CCDC57: variants seen among roughly 807,000 people sequenced by gnomAD.
The protein encoded by CCDC57 is coiled-coil domain containing 57, also known as coiled-coil domain-containing protein 57.
Under a neutral mutation model 118.9 loss-of-function variants are expected in CCDC57, and 118 were observed. The observed-to-expected ratio is 0.99, with a 90% CI of 0.86 to 1.16. The LOEUF is 1.16. Ranked by LOEUF, CCDC57 falls within the 50% of genes most tolerant of loss-of-function variation. The probability of loss-of-function intolerance (pLI) is 0.00; values close to 1 mark genes in which losing one functional copy is unlikely to be tolerated. For synonymous variants in CCDC57, 527 were observed against 532.9 expected (o/e 0.99, Z 0.15); for missense variants, 1,300 against 1,320.7 (o/e 0.98, Z 0.24).
chr17:82,104,214 G>C (rs941330936), intron 19 of CCDC57, among the ~76,000 whole-genome samples: 2 of 152,222 alleles, frequency 1.3e-5, no homozygotes. Flanking sequence ...GAGCCTGGCC[G>C]GGATTTCTCT....
rs1568252390 is a variant in CCDC57 at position 82,146,891 on chromosome 17, GTGCA to G, written c.2455+4665_2455+4668del. 6.6e-5 allele frequency among the ~76,000 whole-genome samples: 10 copies of G among 152,142 alleles called. 1 individual carries two copies. Among genetic ancestry groups the G allele is most frequent in the South Asian group, 6.2e-4 (3 of 4,832 alleles). ...TGTGCAGTCTCGCAAACAAACGTGT[GTGCA>G]CACACACAGTCTCACATACAAATGC... On this transcript the variant is annotated intron_variant, in intron 16 of 19. Coordinates refer to ENST00000665763, the Ensembl canonical transcript of CCDC57.
intron 2 of CCDC57, among the ~76,000 whole-genome samples, chr17:82,203,412 C>G (rs114169670): frequency 6.6e-6 from 1 of 152,140 alleles, no homozygotes; most frequent in South Asian, 2.1e-4. Context: ...AATATACCAT[C>G]CGAGAGTACA....
At chr17:82,174,971 C>T (rs2045283344) in intron 11 of CCDC57, among the ~76,000 whole-genome samples, 1 of 152,146 alleles carries the variant, frequency 6.6e-6, no homozygotes, top group African/African-American at 2.4e-5. Context: ...CAGAGTGTGG[C>T]GTCTTCTCTA....
chr17:82,125,520 C>T (rs1251732003), intron 19 of CCDC57, among the ~76,000 whole-genome samples: 2 of 152,020 alleles, frequency 1.3e-5, no homozygotes, highest in African/African-American at 4.8e-5. Flanking sequence ...GGATTACAGG[C>T]ATGCGCCACC....
chr17:82,130,815 G>T (rs2038247858), intron 17 of CCDC57, among the ~76,000 whole-genome samples: 1 of 149,072 alleles, frequency 6.7e-6, no homozygotes, highest in Admixed American at 6.8e-5. Context: ...CTTTTTTTTG[G>T]GGGGGTGGGG....
At chr17:82,141,674 G>A (rs765352898) in intron 16 of CCDC57, among the ~76,000 whole-genome samples, 10 of 152,142 alleles carry the variant, frequency 6.6e-5, no homozygotes, top group Non-Finnish European at 1.2e-4. Context: ...TCCTTTTGTG[G>A]TTCATCCGCC....
In CCDC57 at chr17:82,132,759, C is replaced by CTTTTTTTTTTTTTTTTTTTTTTTTT. The variant is rs71166188; in HGVS notation, c.2577+1313_2577+1314insAAAAAAAAAAAAAAAAAAAAAAAAA. On this transcript the variant is annotated intron_variant, in intron 17 of 19. Transcript: ENST00000665763. ...TTATCTTTCTGTAGAGACAACCTTG[C>CTTTTTTTTTTTTTTTTTTTTTTTTT]TTTTTTTTTTTTTTTTTTGAGACGG... Among the ~76,000 whole-genome samples, 4 of 123,948 alleles carry CTTTTTTTTTTTTTTTTTTTTTTTTT rather than the reference C, an allele frequency of 3.2e-5. 2 individuals are homozygous for CTTTTTTTTTTTTTTTTTTTTTTTTT. The highest frequency in any genetic ancestry group is 6.1e-5 in the African/African-American group (2 of 32,832). 81.3% of individuals were successfully genotyped at this position (123,948 alleles called of 152,430 possible).
chr17:82,113,933 G>A (rs1051877067), intron 19 of CCDC57, among the ~76,000 whole-genome samples: 3 of 152,126 alleles, frequency 2.0e-5, no homozygotes, highest in African/African-American at 2.4e-5. Context: ...GCAACAGAGC[G>A]AGAATAAAGT....
intron 4 of CCDC57, among the ~76,000 whole-genome samples, chr17:82,196,868 C>T (rs1321487761): frequency 6.7e-6 from 1 of 148,570 alleles, no homozygotes; most frequent in Admixed American, 6.6e-5. Context: ...CCTGCAGAGA[C>T]GCAGCCCCTC....
intron 16 of CCDC57, among the ~76,000 whole-genome samples, chr17:82,151,147 GCACCTAGAACCAGGCGCA>G (rs796111626): frequency 0.039 from 1,429 of 36,440 alleles, 108 homozygotes; most frequent in East Asian, 0.096. Context: ...AACCTGACCC[GCACCTAGAACCAGGCGCA>G]CACCCAGAAC....
chr17:82,150,846 C>T (rs1419647565), intron 16 of CCDC57, among the ~76,000 whole-genome samples: 2 of 121,714 alleles, frequency 1.6e-5, no homozygotes, highest in African/African-American at 3.2e-5. Flanking sequence ...GACCCGCACC[C>T]AGAACCAGGC....
intron 19 of CCDC57, among the ~76,000 whole-genome samples, chr17:82,117,642 G>A (rs2036094424): frequency 6.6e-6 from 1 of 151,884 alleles, no homozygotes; most frequent in Non-Finnish European, 1.5e-5. Flanking sequence ...GCGACGGAGT[G>A]AGACTCCATC....
chr17:82,211,964 C>CT (rs1381636009), intron 1 of CCDC57, among the ~76,000 whole-genome samples: 2 of 152,300 alleles, frequency 1.3e-5, no homozygotes, highest in East Asian at 3.9e-4. Context: ...AACCATTTAT[C>CT]TTTTAACTTT....
At chr17:82,149,857 G>GAACCAGGAGCACACCCA in intron 16 of CCDC57, among the ~76,000 whole-genome samples, 1 of 117,062 alleles carries the variant, frequency 8.5e-6, no homozygotes, top group Middle Eastern at 4.1e-3. Flanking sequence ...GCGCACACCC[G>GAACCAGGAGCACACCCA]GAACCAGGAG....
At position 82,195,367 on chromosome 17, in the gene CCDC57, G is replaced by T; in HGVS notation, c.517-3C>A. On this transcript the variant is annotated splice_polypyrimidine_tract_variant and splice_region_variant and intron_variant, in intron 4 of 19. Coordinates refer to ENST00000665763, the Ensembl canonical transcript of CCDC57. ...GATTCAAACTCCAGCAGCAGTTCCTGGAACAAACAGGTTTCATGATGAAAG... is the reference window on the plus strand; with the variant it reads ...GATTCAAACTCCAGCAGCAGTTCCTTGAACAAACAGGTTTCATGATGAAAG... 6.3e-7 allele frequency: 1 copy of T among 1,581,588 alleles called. No homozygotes were observed. Among genetic ancestry groups the T allele is most frequent in the Non-Finnish European group, 8.6e-7 (1 of 1,163,336 alleles).
At chr17:82,108,314 G>A (rs1180422253) in intron 19 of CCDC57, among the ~76,000 whole-genome samples, 1 of 152,190 alleles carries the variant, frequency 6.6e-6, no homozygotes, top group Non-Finnish European at 1.5e-5. Context: ...CCCTGAAAAC[G>A]GGCTCCTCTG....
intron 7 of CCDC57, among the ~76,000 whole-genome samples, chr17:82,190,100 A>C (rs1361415074): frequency 1.2e-5 from 1 of 80,564 alleles, no homozygotes; most frequent in Non-Finnish European, 2.5e-5. Flanking sequence ...GTATAGAGTG[A>C]CCTCTCAAGG....
chr17:82,179,309 G>T, intron 9 of CCDC57, 120 bp from the exon 9 acceptor site: 1 of 1,102,192 alleles, frequency 9.1e-7, no homozygotes. Flanking sequence ...CATGGCCTGC[G>T]CTGGGCTGAC....
intron 8 of CCDC57, among the ~76,000 whole-genome samples, chr17:82,187,000 A>G (rs2047004531): frequency 6.6e-6 from 1 of 152,046 alleles, no homozygotes; most frequent in Non-Finnish European, 1.5e-5. Context: ...GCACTTTGGG[A>G]GGCCGAGGCA....
Sources: allele counts gnomAD v4.1 joint callset (sites outside exome capture counted in the v4.1 genomes callset), GRCh38; gene constraint gnomAD v4.1.1; transcripts MANE v1.5; gene names NCBI Gene and HGNC (gene_info 2026-07-23, HGNC 2026-07-21).